Variants in ENOX1 observed in about 807,000 individuals in gnomAD.
The protein encoded by ENOX1 is ecto-NOX disulfide-thiol exchanger 1, also known as candidate growth-related and time keeping constitutive hydroquinone (NADH) oxidase.
Under a neutral mutation model 82.5 loss-of-function variants are expected in ENOX1, and 42 were observed. That is an observed-to-expected ratio of 0.51 (90% CI 0.40 to 0.66). The LOEUF (loss-of-function observed/expected upper bound fraction) is 0.66, where lower values mean the gene tolerates loss of function less well. Among genes scored for constraint, ENOX1 ranks in the 30% least tolerant of loss-of-function variants. The probability of loss-of-function intolerance (pLI) is 0.00; values close to 1 mark genes in which losing one functional copy is unlikely to be tolerated. For synonymous variants in ENOX1, 271 were observed against 282.2 expected (o/e 0.96, Z 0.40); for missense variants, 608 against 811.6 (o/e 0.75, Z 3.05).
At chr13:43,658,241 T>A (rs1417996041) in intron 2 of ENOX1, among the ~76,000 whole-genome samples, 1 of 152,248 alleles carries the variant, frequency 6.6e-6, no homozygotes, top group African/African-American at 2.4e-5. Context: ...TGTCTCCAGC[T>A]TCCTACATTA....
At chr13:43,667,704 G>A (rs569822245) in intron 1 of ENOX1, among the ~76,000 whole-genome samples, 160 bp from the exon 2 acceptor site, 2 of 152,338 alleles carry the variant, frequency 1.3e-5, no homozygotes, top group Admixed American at 1.3e-4. Context: ...TGCCCTTGGA[G>A]AAGGTCTCCG....
intron 1 of ENOX1, among the ~76,000 whole-genome samples, chr13:43,683,566 C>T (rs549197069): frequency 2.7e-4 from 41 of 152,114 alleles, no homozygotes; most frequent in African/African-American, 9.6e-4. Flanking sequence ...ATGAAACAGC[C>T]ACAGATCCAC....
chr13:43,221,633 T>C (rs1593403738), intron 16 of ENOX1, among the ~76,000 whole-genome samples: 4 of 152,294 alleles, frequency 2.6e-5, no homozygotes. Context: ...GAGAAAAATA[T>C]GCAAATATGC....
chr13:43,513,197 T>G (rs1357967488), intron 2 of ENOX1, among the ~76,000 whole-genome samples: 1 of 152,046 alleles, frequency 6.6e-6, no homozygotes, highest in Non-Finnish European at 1.5e-5. Flanking sequence ...TAATCCCAGC[T>G]ACTAGGGAGG....
chr13:43,494,938 T>C (rs937237796), intron 2 of ENOX1, among the ~76,000 whole-genome samples: 11 of 152,108 alleles, frequency 7.2e-5, no homozygotes, highest in African/African-American at 1.4e-4. Context: ...TCAACAATTA[T>C]AGGAATATTT....
intron 1 of ENOX1, among the ~76,000 whole-genome samples, chr13:43,754,088 A>G (rs979083597): frequency 2.1e-5 from 3 of 141,722 alleles, no homozygotes; most frequent in Non-Finnish European, 4.6e-5. Flanking sequence ...ACACATATAT[A>G]CGTATATATG....
chr13:43,366,955 A>C (rs2050888265), intron 5 of ENOX1, among the ~76,000 whole-genome samples: 1 of 152,222 alleles, frequency 6.6e-6, no homozygotes, highest in Non-Finnish European at 1.5e-5. Context: ...AATATTATAT[A>C]GAATATTTAC....
chr13:43,442,350 T>TGGA (rs2056407778), intron 3 of ENOX1, among the ~76,000 whole-genome samples: 1 of 152,220 alleles, frequency 6.6e-6, no homozygotes, highest in Non-Finnish European at 1.5e-5. Context: ...TGGCATAGCC[T>TGGA]GAGAATGTGT....
chr13:43,633,071 C>T (rs1321192889), intron 2 of ENOX1, among the ~76,000 whole-genome samples: 2 of 152,116 alleles, frequency 1.3e-5, no homozygotes, highest in African/African-American at 4.8e-5. Context: ...ATTCAAGTTT[C>T]AAAATTTCTA....
intron 3 of ENOX1, among the ~76,000 whole-genome samples, chr13:43,475,811 A>G (rs2058257450): frequency 6.6e-6 from 1 of 151,240 alleles, no homozygotes; most frequent in Non-Finnish European, 1.5e-5. Context: ...AAAAAAAAAA[A>G]AAAAGAAAGG....
chr13:43,446,310 ACT>A (rs757636571), intron 3 of ENOX1, among the ~76,000 whole-genome samples: 4 of 152,106 alleles, frequency 2.6e-5, no homozygotes, highest in Non-Finnish European at 5.9e-5. Flanking sequence ...CATGCCAGAC[ACT>A]GTCTTAATGA....
chr13:43,367,344 T>C (rs1425801367), intron 5 of ENOX1, among the ~76,000 whole-genome samples: 1 of 152,204 alleles, frequency 6.6e-6, no homozygotes, highest in Non-Finnish European at 1.5e-5. Flanking sequence ...TACCTATGAA[T>C]GTGACTTTAT....
chr13:43,712,958 G>T (rs978965338), intron 1 of ENOX1, among the ~76,000 whole-genome samples: 1 of 152,126 alleles, frequency 6.6e-6, no homozygotes, highest in Non-Finnish European at 1.5e-5. Flanking sequence ...TGTTGAATAA[G>T]AGTGGTGAGA....
intron 1 of ENOX1, among the ~76,000 whole-genome samples, chr13:43,723,794 T>C (rs978134588): frequency 2.7e-5 from 4 of 149,964 alleles, no homozygotes; most frequent in Admixed American, 6.7e-5. Context: ...CACACACACA[T>C]ACACATGACA....
chr13:43,254,159 T>C (rs1391986758), intron 14 of ENOX1, among the ~76,000 whole-genome samples: 1 of 152,160 alleles, frequency 6.6e-6, no homozygotes, highest in Non-Finnish European at 1.5e-5. Context: ...GATGGACAAG[T>C]CTCATTTGGG....
At chr13:43,705,613 TTACTA>T in intron 1 of ENOX1, among the ~76,000 whole-genome samples, 1 of 152,104 alleles carries the variant, frequency 6.6e-6, no homozygotes, top group East Asian at 1.9e-4. Context: ...CAAGGGGGTG[TTACTA>T]TAGAGGGCCG....
At chr13:43,657,512 G>A (rs1389182915) in intron 2 of ENOX1, among the ~76,000 whole-genome samples, 1 of 152,210 alleles carries the variant, frequency 6.6e-6, no homozygotes, top group Non-Finnish European at 1.5e-5. Flanking sequence ...TCATGGCTCT[G>A]CTGAGAGGCA....
intron 2 of ENOX1, among the ~76,000 whole-genome samples, chr13:43,565,877 C>G (rs2079894938): frequency 1.3e-5 from 2 of 152,140 alleles, no homozygotes; most frequent in Non-Finnish European, 2.9e-5. Context: ...GTAAACATCC[C>G]TTAGGATCAT....
At chr13:43,783,946 C>A (rs984091351) in intron 1 of ENOX1, among the ~76,000 whole-genome samples, 5 of 152,178 alleles carry the variant, frequency 3.3e-5, no homozygotes, top group Non-Finnish European at 7.3e-5. Context: ...GTGTGAGTAT[C>A]AGGATGTGGA....
Sources: gnomAD v4.1 joint callset for allele counts (sites outside exome capture counted in the v4.1 genomes callset) on GRCh38, gnomAD v4.1.1 for gene constraint, MANE v1.5 for transcripts, NCBI Gene and HGNC (gene_info 2026-07-23, HGNC 2026-07-21) for gene names.